AK3: variants seen among roughly 807,000 people sequenced by gnomAD.
AK3 encodes the protein adenylate kinase 3.
AK3 carries 27 observed loss-of-function variants against 23.7 expected under a neutral mutation model. The ratio of observed to expected loss-of-function variants is 1.14; its 90% CI spans 0.84 to 1.57. The LOEUF is 1.57. AK3 is among the 40% of genes most tolerant of loss of function. The pLI is 0.00. For missense variants in AK3, 406 were observed against 285.6 expected (o/e 1.42, Z -3.04); for synonymous variants, 159 against 116.0 (o/e 1.37, Z -2.38).
intron 1 of AK3, among the ~76,000 whole-genome samples, chr9:4,735,818 T>C (rs1274737388): frequency 6.6e-6 from 1 of 151,494 alleles, no homozygotes; most frequent in African/African-American, 2.4e-5. Context: ...AATATATTAA[T>C]TTAAAATTGA....
At chr9:4,740,304 G>C (rs983797367) in intron 1 of AK3, among the ~76,000 whole-genome samples, 1 of 150,754 alleles carries the variant, frequency 6.6e-6, no homozygotes, top group African/African-American at 2.4e-5. Context: ...GTGCCGAGCT[G>C]TAAGAATTTA....
rs188377589 is a variant in AK3, at chr9:4,719,182, C to A, written c.397G>T (p.Ala133Ser). ...QRLTARWIHP[A>S]SGRVYNIEFN... ...TCAATGTTATAGACTCGGCCACTGG[C>A]GGGATGAATCCAGCGAGCAGTAAGG... is the stretch of plus-strand genomic sequence containing the variant. The change falls in exon 3 of 5, where the codon GCC becomes TCC. Residue 133 changes from alanine to serine, a missense_variant. Ala to Ser is a moderately conservative substitution (Grantham distance 99, BLOSUM62 1). Coordinates refer to ENST00000381809, the MANE Select transcript of AK3 (RefSeq NM_016282.4). 130 of 1,611,782 alleles carry A rather than the reference C, an allele frequency of 8.1e-5. No individual in the cohort carries two copies. The East Asian group carries it at 2.2e-3, about 27-fold the overall frequency.
chr9:4,715,391 CTT>C (rs35400602), intron 4 of AK3, among the ~76,000 whole-genome samples: 38 of 127,072 alleles, frequency 3.0e-4, no homozygotes, highest in Non-Finnish European at 2.9e-4. Flanking sequence ...TCCCTTACTA[CTT>C]TTTTTTTTTT....
At chr9:4,727,653 T>C (rs1842049731) in intron 1 of AK3, among the ~76,000 whole-genome samples, 1 of 152,206 alleles carries the variant, frequency 6.6e-6, no homozygotes, top group African/African-American at 2.4e-5. Context: ...GTTGTTTTGC[T>C]TTCTTGTGCT....
chr9:4,728,850 T>TACACAC lies in AK3; in HGVS notation c.152-6226_152-6225insGTGTGT, dbSNP rs772699346. 8.6e-3 allele frequency among the ~76,000 whole-genome samples: 201 copies of TACACAC among 23,488 alleles called. 1 individual carries two copies. The highest frequency in any genetic ancestry group is 0.017 in the African/African-American group (175 of 10,486). The allele number at this position is 23,488 out of a possible 152,430, so 15.4% of individuals were successfully genotyped here. Reference sequence around the variant, plus strand: ...GTCTCTACATATATATATATATATATATATATATATATATATACACACACA... The same window carrying TACACAC: ...GTCTCTACATATATATATATATATATACACACATATATATATATATATACACACACA... On this transcript the variant is annotated intron_variant, in intron 1 of 4. Transcript: ENST00000381809.
chr9:4,740,978 G>C lies in AK3; in HGVS notation c.110C>G (p.Ser37Cys), dbSNP rs773236307. Residue 37 changes from serine to cysteine, a missense_variant, in exon 1 of 5, where the codon TCC becomes TGC. Physicochemically the swap from Ser to Cys is moderately radical, Grantham distance 112. Transcript: ENST00000381809. ...ITTHFELKHL[S>C]SGDLLRDNML... ...GTTGTCCCGGAGCAGGTCCCCGCTGGAGAGGTGCTTCAGCTCGAAGTGTGT... is the reference window on the plus strand; with the variant it reads ...GTTGTCCCGGAGCAGGTCCCCGCTGCAGAGGTGCTTCAGCTCGAAGTGTGT... The C allele has an allele frequency of 3.1e-6, 5 of 1,589,168 alleles. No homozygotes were observed. Among genetic ancestry groups the C allele is most frequent in the Admixed American group, 3.5e-5 (2 of 57,578 alleles).
At position 4,741,114 on chromosome 9, in the gene AK3, C is replaced by G. The variant is rs367566616; in HGVS notation, c.-27G>C. The G allele has an allele frequency of 1.3e-4, 199 of 1,489,652 alleles. 1 individual carries two copies. The African/African-American group carries it at 2.3e-3, about 17-fold the overall frequency. The allele number at this position is 1,489,652 out of a possible 1,614,324, so 92.3% of individuals were successfully genotyped here. On this transcript the variant is annotated 5_prime_UTR_variant, in exon 1 of 5. Transcript: ENST00000381809. The stretch of plus-strand genomic sequence containing the variant: ...GCCGCAGACTGAGGCCCGCACCGCG[C>G]GGGTACCAGGGCTTTGGCCTGGCCT...
rs376623422 is a variant in AK3, at chr9:4,721,308, C to A, written c.271+1198G>T. Among the ~76,000 whole-genome samples the A allele has an allele frequency of 7.9e-5, 12 of 151,376 alleles. No homozygotes were observed. The East Asian group carries it at 2.4e-3, about 30-fold the overall frequency. The stretch of plus-strand genomic sequence containing the variant: ...ATCCCAGCTACTCAGGAGGCTGAGG[C>A]AGGAGAATCACTTGAACTGAGGAGG... On this transcript the variant is annotated intron_variant, in intron 2 of 4. Coordinates refer to ENST00000381809, the MANE Select transcript of AK3 (RefSeq NM_016282.4).
chr9:4,734,421 G>A (rs559061475), intron 1 of AK3, among the ~76,000 whole-genome samples: 2 of 152,198 alleles, frequency 1.3e-5, no homozygotes, highest in Admixed American at 6.5e-5. Flanking sequence ...TGAGCACCTA[G>A]TGAAATCAGT....
chr9:4,722,137 C>A (rs1339143932), intron 2 of AK3, among the ~76,000 whole-genome samples: 4 of 152,188 alleles, frequency 2.6e-5, no homozygotes, highest in Admixed American at 6.5e-5. Context: ...ATTAACAAAA[C>A]TAAAAATCAA....
intron 1 of AK3, among the ~76,000 whole-genome samples, chr9:4,738,036 G>A (rs12376372): frequency 0.33 from 50,700 of 152,044 alleles, 9,283 homozygotes; most frequent in Non-Finnish European, 0.4. Context: ...TTTATTTGAA[G>A]GAAATAAGCA....
At chr9:4,728,866 T>TATATATATATATACACAC (rs1395790351) in intron 1 of AK3, among the ~76,000 whole-genome samples, 15 of 87,884 alleles carry the variant, frequency 1.7e-4, no homozygotes, top group Non-Finnish European at 2.7e-4. Context: ...TATATATATA[T>TATATATATATATACACAC]ACACACACAC....
intron 4 of AK3, among the ~76,000 whole-genome samples, chr9:4,716,329 AG>A (rs1356269856): frequency 1.3e-5 from 2 of 152,220 alleles, no homozygotes; most frequent in African/African-American, 4.8e-5. Flanking sequence ...CCAAGGGCCT[AG>A]CACAGTGTCA....
chr9:4,739,622 A>G (rs990031415), intron 1 of AK3, among the ~76,000 whole-genome samples: 3 of 152,038 alleles, frequency 2.0e-5, no homozygotes, highest in African/African-American at 7.2e-5. Flanking sequence ...GTATGCTCAC[A>G]TATTACATAC....
intron 1 of AK3, among the ~76,000 whole-genome samples, chr9:4,728,866 TACACACACACACACACATAC>T (rs1842080882): frequency 1.1e-5 from 1 of 87,902 alleles, no homozygotes; most frequent in African/African-American, 3.8e-5. Flanking sequence ...TATATATATA[TACACACACACACACACATAC>T]ATATATATAC....
upstream of AK3, chr9:4,741,222 G>T (rs1219952360): frequency 8.5e-6 from 9 of 1,055,156 alleles, no homozygotes; most frequent in South Asian, 2.4e-5. Flanking sequence ...CGGCGTTCCC[G>T]GAAGTGAGCC....
intron 1 of AK3, among the ~76,000 whole-genome samples, chr9:4,728,876 C>G (rs141753902): frequency 2.0e-5 from 1 of 51,046 alleles, no homozygotes. Flanking sequence ...TACACACACA[C>G]ACACACATAC....
intron 1 of AK3, among the ~76,000 whole-genome samples, chr9:4,739,376 T>G (rs1470681314): frequency 6.6e-6 from 1 of 151,508 alleles, no homozygotes; most frequent in Non-Finnish European, 1.5e-5. Context: ...GAATTTTTTA[T>G]AGAGACGCAG....
intron 1 of AK3, among the ~76,000 whole-genome samples, chr9:4,735,863 C>T (rs1234144808): frequency 6.6e-6 from 1 of 151,274 alleles, no homozygotes; most frequent in African/African-American, 2.4e-5. Context: ...GCCTGTAATC[C>T]CAGAACTTTG....
Sources: gnomAD v4.1 joint callset for allele counts (sites outside exome capture counted in the v4.1 genomes callset) on GRCh38, gnomAD v4.1.1 for gene constraint, MANE v1.5 for transcripts, NCBI Gene and HGNC (gene_info 2026-07-23, HGNC 2026-07-21) for gene names.